Variants in MAK observed in about 807,000 individuals in gnomAD.
MAK encodes serine/threonine-protein kinase MAK.
In MAK, 65 loss-of-function variants were observed where a neutral mutation model predicts 82.6. The ratio of observed to expected loss-of-function variants is 0.79; its 90% CI spans 0.64 to 0.97. MAK has a LOEUF of 0.97. MAK is among the 50% of genes least tolerant of loss of function. The pLI, the probability that MAK is intolerant of heterozygous loss-of-function variation, is 0.00. For synonymous variants in MAK, 250 were observed against 274.2 expected (o/e 0.91, Z 0.87); for missense variants, 703 against 780.2 (o/e 0.90, Z 1.18).
intron 4 of MAK, among the ~76,000 whole-genome samples, chr6:10,816,425 T>C (rs1200770891): frequency 1.7e-5 from 2 of 119,794 alleles, no homozygotes; most frequent in East Asian, 2.5e-4. Context: ...TGAATTTACA[T>C]GTATTTCATT....
chr6:10,778,311 T>C (rs1470204489), intron 11 of MAK, among the ~76,000 whole-genome samples: 1 of 152,184 alleles, frequency 6.6e-6, no homozygotes, highest in Non-Finnish European at 1.5e-5. Flanking sequence ...GGGTGCATCA[T>C]GTTTAGAAGA....
intron 10 of MAK, among the ~76,000 whole-genome samples, chr6:10,790,846 C>T (rs1207388129): frequency 6.6e-6 from 1 of 152,184 alleles, no homozygotes; most frequent in East Asian, 1.9e-4. Flanking sequence ...GAGCAGATCC[C>T]TCACAAATGG....
chr6:10,789,527 G>A (rs1353838678), intron 10 of MAK, among the ~76,000 whole-genome samples: 1 of 152,180 alleles, frequency 6.6e-6, no homozygotes, highest in African/African-American at 2.4e-5. Flanking sequence ...CTATATGTAT[G>A]TGCATAGATA....
At chr6:10,834,226 T>A (rs1283957107) in intron 1 of MAK, among the ~76,000 whole-genome samples, 1 of 152,188 alleles carries the variant, frequency 6.6e-6, no homozygotes, top group Non-Finnish European at 1.5e-5. Context: ...ATCTCTAGGT[T>A]TACTGATTCT....
chr6:10,769,789 C>T (rs552011656), intron 14 of MAK, among the ~76,000 whole-genome samples: 4 of 152,174 alleles, frequency 2.6e-5, no homozygotes, highest in East Asian at 1.9e-4. Flanking sequence ...ACTTCACCTA[C>T]ATTTCATCAT....
chr6:10,814,962 G>A (rs954442617), intron 4 of MAK, among the ~76,000 whole-genome samples: 1 of 151,864 alleles, frequency 6.6e-6, no homozygotes, highest in African/African-American at 2.4e-5. Context: ...GCTTGAACCC[G>A]GAGGGTGGAG....
At chr6:10,823,778 A>AC (rs1778139617) in intron 2 of MAK, among the ~76,000 whole-genome samples, 1 of 151,850 alleles carries the variant, frequency 6.6e-6, no homozygotes. Flanking sequence ...GATCCACCCC[A>AC]CTTGGCCTCC....
chr6:10,821,869 C>CG (rs1426271242), intron 2 of MAK, among the ~76,000 whole-genome samples: 2 of 150,924 alleles, frequency 1.3e-5, no homozygotes, highest in African/African-American at 4.9e-5. Flanking sequence ...AATCTGAGGC[C>CG]GGGCACGGTG....
intron 1 of MAK, among the ~76,000 whole-genome samples, chr6:10,834,165 T>C (rs960537410): frequency 2.1e-4 from 32 of 152,228 alleles, no homozygotes; most frequent in Non-Finnish European, 3.1e-4. Context: ...CACTCTTTTC[T>C]AGCTAGCCTA....
At chr6:10,822,202 G>A (rs1263113646) in intron 2 of MAK, among the ~76,000 whole-genome samples, 1 of 140,708 alleles carries the variant, frequency 7.1e-6, no homozygotes, top group East Asian at 2.2e-4. Context: ...ACCTGTAATC[G>A]CAGCACTTTC....
chr6:10,792,210 TTAA>T lies in MAK; in HGVS notation c.1144-366_1144-364del, dbSNP rs543201050. ...GTGTCCTCCTTAAGTGGGGACAGCC[TTAA>T]TGAGAAGGACACTAAGGCTGGCATG... On this transcript the variant is annotated intron_variant, in intron 9 of 14. Transcript: ENST00000354489. Among the ~76,000 whole-genome samples, 11 of 152,330 alleles carry T rather than the reference TTAA, an allele frequency of 7.2e-5. No homozygotes were observed. The East Asian group carries it at 2.1e-3, about 29-fold the overall frequency.
Position 10,764,417 on chromosome 6 carries a change from C to T in MAK, c.*35G>A, listed in dbSNP as rs376336149. The T allele has an allele frequency of 7.5e-6, 12 of 1,608,294 alleles. No individual in the cohort carries two copies. Among genetic ancestry groups the T allele is most frequent in the East Asian group, 2.2e-5 (1 of 44,856 alleles). The stretch of plus-strand genomic sequence containing the variant: ...GGTCAAGGAACTTGCACGTACTCTA[C>T]GGAGCAATGCTGTAGGGTTTCACAC... On this transcript the variant is annotated 3_prime_UTR_variant, in exon 15 of 15. Transcript: ENST00000354489.
rs958919789 is a variant in MAK at position 10,770,324 on chromosome 6, A to G, written c.1673-94T>C. 8.6e-6 allele frequency: 12 copies of G among 1,402,862 alleles called. No individual in the cohort carries two copies. In the African/African-American group the frequency reaches 9.9e-5, roughly 12 times the overall value. The allele number at this position is 1,402,862 out of a possible 1,614,324, so 86.9% of individuals were successfully genotyped here. A position where few individuals can be genotyped will look rare whatever the true frequency, so the allele number is the denominator to read the frequency against. On this transcript the variant is annotated intron_variant, in intron 13 of 14. Transcript: ENST00000354489. Reference sequence around the variant, plus strand: ...TACTACCCCATTACTTCTAAATACTATTTTTCAGCATCTACTATGTTTTAG... The same window carrying G: ...TACTACCCCATTACTTCTAAATACTGTTTTTCAGCATCTACTATGTTTTAG...
intron 6 of MAK, among the ~76,000 whole-genome samples, chr6:10,807,336 C>CTTTTT (rs35237927): frequency 4.1e-5 from 3 of 73,756 alleles, no homozygotes; most frequent in African/African-American, 1.2e-4. Flanking sequence ...ACATATATTC[C>CTTTTT]TTTTTTTTTT....
chr6:10,831,652 A>G (rs1014956975), intron 1 of MAK, among the ~76,000 whole-genome samples: 12 of 152,108 alleles, frequency 7.9e-5, no homozygotes, highest in African/African-American at 2.9e-4. Flanking sequence ...AGGCTGAGGC[A>G]CGAGGATTGC....
chr6:10,828,441 CTG>C (rs1778542003), intron 2 of MAK, among the ~76,000 whole-genome samples: 3 of 152,160 alleles, frequency 2.0e-5, no homozygotes, highest in African/African-American at 7.2e-5. Context: ...ATGGGTTCAA[CTG>C]TGTCCCCCAA....
chr6:10,793,778 C>T lies in MAK; in HGVS notation c.1144-1931G>A, dbSNP rs1360821993. ...AAGCTACTCAATAAATATTAACTTCCTTTCCTTCCCTCACAATATGAGTCA... is the reference window on the plus strand; with the variant it reads ...AAGCTACTCAATAAATATTAACTTCTTTTCCTTCCCTCACAATATGAGTCA... On this transcript the variant is annotated intron_variant, in intron 9 of 14. Transcript: ENST00000354489. The surrounding 1 kb of genome is among the most constrained non-coding windows in gnomAD (Gnocchi z 4.6). Among the ~76,000 whole-genome samples, 1 of 147,924 alleles carries T rather than the reference C, an allele frequency of 6.8e-6. No individual in the cohort carries two copies. Among genetic ancestry groups the T allele is most frequent in the African/African-American group, 2.7e-5 (1 of 37,444 alleles).
chr6:10,797,510 T>C (rs1245946978), intron 8 of MAK: 1 of 787,432 alleles, frequency 1.3e-6, no homozygotes, highest in Non-Finnish European at 1.5e-6. Flanking sequence ...CAAAGAGTTA[T>C]CTGGTTCACA....
At chr6:10,825,998 G>T (rs1778337103) in intron 2 of MAK, among the ~76,000 whole-genome samples, 1 of 152,128 alleles carries the variant, frequency 6.6e-6, no homozygotes, top group Non-Finnish European at 1.5e-5. Context: ...CCAAAAATTT[G>T]ATCACATCAA....
Sources: allele counts gnomAD v4.1 joint callset (sites outside exome capture counted in the v4.1 genomes callset), GRCh38; gene constraint gnomAD v4.1.1; non-coding constraint Gnocchi (gnomAD v3.1); transcripts MANE v1.5; gene names NCBI Gene and HGNC (gene_info 2026-07-23, HGNC 2026-07-21).